Variants in THRB observed in about 807,000 individuals in gnomAD.
THRB encodes thyroid hormone receptor beta.
A neutral mutation model predicts 47.8 loss-of-function variants in THRB; 12 were observed. That is an observed-to-expected ratio of 0.25 (90% CI 0.16 to 0.41). The LOEUF is 0.41. THRB is among the 10% of genes least tolerant of loss of function. THRB has a pLI of 1.00. For missense variants in THRB, 348 were observed against 589.2 expected, an observed-to-expected ratio of 0.59 and a Z score of 4.24; for synonymous variants, 218 against 212.2, an observed-to-expected ratio of 1.03 and a Z score of -0.24.
At chr3:24,209,961 T>A (rs930285221) in intron 4 of THRB, among the ~76,000 whole-genome samples, 4 of 152,234 alleles carry the variant, frequency 2.6e-5, no homozygotes, top group African/African-American at 9.6e-5. Context: ...TAACAATTAT[T>A]CTGTTTGTTC....
At chr3:24,265,087 T>C (rs2150550817) in intron 3 of THRB, among the ~76,000 whole-genome samples, 1 of 152,294 alleles carries the variant, frequency 6.6e-6, no homozygotes, top group South Asian at 2.1e-4. Context: ...AAAAAAGGGT[T>C]AGCCATCAGT....
chr3:24,158,744 T>G (rs2038294733), intron 5 of THRB, among the ~76,000 whole-genome samples: 1 of 152,210 alleles, frequency 6.6e-6, no homozygotes, highest in South Asian at 2.1e-4. Context: ...AACATATTTC[T>G]TCATGGAAGT....
intron 9 of THRB, among the ~76,000 whole-genome samples, chr3:24,131,713 A>T (rs571911669): frequency 3.3e-5 from 5 of 152,344 alleles, no homozygotes; most frequent in Admixed American, 3.3e-4. Flanking sequence ...TCATGAAGGG[A>T]CACAATGAGA....
At chr3:24,444,172 G>A (rs1425170118) in intron 1 of THRB, among the ~76,000 whole-genome samples, 1 of 151,684 alleles carries the variant, frequency 6.6e-6, no homozygotes, top group African/African-American at 2.4e-5. Context: ...GAACTTTGCT[G>A]TGGAAATTCT....
chr3:24,436,516 G>A (rs2070973515), intron 1 of THRB, among the ~76,000 whole-genome samples: 1 of 152,088 alleles, frequency 6.6e-6, no homozygotes, highest in Admixed American at 6.6e-5. Flanking sequence ...TCTTTCTCAA[G>A]TTCGAAAAAG....
rs769151899 is a variant in THRB at position 24,143,665 on chromosome 3, T to C, written c.574A>G (p.Ile192Val). ...CGTCTTTTCTCCCGGTTCTCCTCTA[T>C]CAGCTTCCTCTTGGCCAGCCTCTTG... ...DSKRLAKRKL[I>V]EENREKRRRE... The change falls in exon 8 of 11, where the codon ATA becomes GTA. Residue 192 changes from isoleucine to valine, a missense_variant. Physicochemically the swap from Ile to Val is conservative, Grantham distance 29. Transcript: ENST00000646209. 1.9e-6 allele frequency: 3 copies of C among 1,614,158 alleles called. No individual in the cohort carries two copies. The highest frequency in any genetic ancestry group is 1.7e-6 in the Non-Finnish European group (2 of 1,180,022).
intron 1 of THRB, among the ~76,000 whole-genome samples, chr3:24,372,519 G>A (rs944216053): frequency 6.6e-6 from 1 of 152,048 alleles, no homozygotes; most frequent in Non-Finnish European, 1.5e-5. Flanking sequence ...CCATTGACAT[G>A]CTCAAGTTTT....
intron 3 of THRB, among the ~76,000 whole-genome samples, chr3:24,248,072 G>C (rs1458373328): frequency 6.6e-6 from 1 of 152,072 alleles, no homozygotes; most frequent in Non-Finnish European, 1.5e-5. Context: ...AGACATTTCT[G>C]AGTTCAGTAA....
chr3:24,146,472 G>A (rs1230119638), intron 7 of THRB, among the ~76,000 whole-genome samples: 1 of 152,156 alleles, frequency 6.6e-6, no homozygotes, highest in Non-Finnish European at 1.5e-5. Context: ...GACAGGGTAG[G>A]ATGGAACCCA....
intron 3 of THRB, among the ~76,000 whole-genome samples, chr3:24,269,197 G>A (rs766783510): frequency 3.3e-5 from 5 of 151,998 alleles, no homozygotes; most frequent in East Asian, 1.9e-4. Context: ...ATGGGAGAAG[G>A]ATTAAGGTTT....
At chr3:24,227,461 G>A (rs1019106949) in intron 4 of THRB, among the ~76,000 whole-genome samples, 34 of 152,270 alleles carry the variant, frequency 2.2e-4, no homozygotes, top group African/African-American at 8.2e-4. Context: ...GAGTGGGTGC[G>A]TTTTGGTGCC....
Position 24,390,795 on chromosome 3 carries a change from A to ATAC in THRB, c.-260-53425_-260-53424insGTA, listed in dbSNP as rs60435781. On this transcript the variant is annotated intron_variant, in intron 1 of 10. Transcript: ENST00000646209. ...CAATCTTTACTTTGTAAAAAAAAAA[A>ATAC]AAATATATATATATATATAATATTA... Among the ~76,000 whole-genome samples the ATAC allele has an allele frequency of 8.5e-5, 5 of 59,156 alleles. No homozygotes were observed. The East Asian group carries it at 1.3e-3, about 15-fold the overall frequency. The allele number at this position is 59,156 out of a possible 152,430, so 38.8% of individuals were successfully genotyped here.
At chr3:24,269,632 C>A in intron 3 of THRB, among the ~76,000 whole-genome samples, 1 of 148,324 alleles carries the variant, frequency 6.7e-6, no homozygotes, top group Non-Finnish European at 1.5e-5. Flanking sequence ...GACAGAATCT[C>A]ACCATGTTGC....
intron 1 of THRB, among the ~76,000 whole-genome samples, chr3:24,399,641 T>C: frequency 6.6e-6 from 1 of 152,088 alleles, no homozygotes; most frequent in East Asian, 1.9e-4. Flanking sequence ...TCTAGCTAGT[T>C]TAGCTTCTCT....
In THRB at chr3:24,473,786, C is replaced by T. The variant is rs146645387; in HGVS notation, c.-261+20866G>A. Among the ~76,000 whole-genome samples, 1,500 of 151,988 alleles carry T rather than the reference C, an allele frequency of 9.9e-3. 29 individuals carry two copies. The highest frequency in any genetic ancestry group is 0.033 in the African/African-American group (1,355 of 41,462). ...AAAAAGGATGAGTTCATGTCCTTTG[C>T]AGGGACATAGATGAAGCTGGAAACC... is the stretch of plus-strand genomic sequence containing the variant. On this transcript the variant is annotated intron_variant, in intron 1 of 10. Transcript: ENST00000646209.
At chr3:24,166,616 A>G (rs2039677025) in intron 5 of THRB, among the ~76,000 whole-genome samples, 1 of 152,166 alleles carries the variant, frequency 6.6e-6, no homozygotes, top group Non-Finnish European at 1.5e-5. Context: ...TGCATGTCAC[A>G]TATATGCATA....
At chr3:24,431,822 T>G (rs1028384296) in intron 1 of THRB, among the ~76,000 whole-genome samples, 2 of 152,084 alleles carry the variant, frequency 1.3e-5, no homozygotes, top group Non-Finnish European at 2.9e-5. Context: ...ATGGAAAAAT[T>G]CTAGCTTTAT....
At chr3:24,319,626 T>C (rs1229119151) in intron 2 of THRB, among the ~76,000 whole-genome samples, 1 of 152,236 alleles carries the variant, frequency 6.6e-6, no homozygotes, top group Non-Finnish European at 1.5e-5. Flanking sequence ...ATGTTTTGTA[T>C]GTTCTTCCAA....
chr3:24,274,424 T>C (rs1400380901), intron 3 of THRB, among the ~76,000 whole-genome samples: 1 of 152,186 alleles, frequency 6.6e-6, no homozygotes, highest in African/African-American at 2.4e-5. Flanking sequence ...ATTTGTGTTC[T>C]CTTTCTTTGT....
Sources: allele counts gnomAD v4.1 joint callset (sites outside exome capture counted in the v4.1 genomes callset), GRCh38; gene constraint gnomAD v4.1.1; transcripts MANE v1.5; gene names NCBI Gene and HGNC (gene_info 2026-07-23, HGNC 2026-07-21).